The following PTPN3 variants were observed in gnomAD, a reference collection of about 807,000 sequenced individuals.
PTPN3 encodes the protein tyrosine-protein phosphatase non-receptor type 3.
PTPN3 carries 96 observed loss-of-function variants against 132.7 expected under a neutral mutation model. The ratio of observed to expected loss-of-function variants is 0.72; its 90% CI spans 0.61 to 0.86. PTPN3 has a LOEUF of 0.86. Ranked by LOEUF, PTPN3 falls within the 40% of genes least tolerant of loss-of-function variation. The pLI is 0.00. For missense variants in PTPN3, 1,125 were observed against 1,159.6 expected (o/e 0.97, Z 0.43); for synonymous variants, 398 against 429.0 (o/e 0.93, Z 0.89).
chr9:109,428,560 T>C (rs1010221228), intron 11 of PTPN3, 61 bp downstream of exon 11: 1 of 1,550,928 alleles, frequency 6.4e-7, no homozygotes. Flanking sequence ...AGCGAGACCC[T>C]GTCTCTAACC....
chr9:109,391,375 A>C, intron 20 of PTPN3, 96 bp downstream of exon 20: 2 of 1,384,448 alleles, frequency 1.4e-6, no homozygotes, highest in Middle Eastern at 1.8e-4. Flanking sequence ...TTACAGACAC[A>C]CTGAAAATCG....
At chr9:109,405,218 AC>A (rs910675968) in intron 18 of PTPN3, among the ~76,000 whole-genome samples, 5 of 151,650 alleles carry the variant, frequency 3.3e-5, no homozygotes, top group South Asian at 2.1e-4. Flanking sequence ...AGCTAGGACC[AC>A]CCCCCCACAA....
chr9:109,444,304 G>A lies in PTPN3; in HGVS notation c.466+936C>T, dbSNP rs551603298. 1.1e-4 allele frequency among the ~76,000 whole-genome samples: 17 copies of A among 152,270 alleles called. No homozygotes were observed. The South Asian group carries it at 2.3e-3, about 20-fold the overall frequency. On this transcript the variant is annotated intron_variant, in intron 7 of 25. Coordinates refer to ENST00000374541, the MANE Select transcript of PTPN3 (RefSeq NM_002829.4). The stretch of plus-strand genomic sequence containing the variant: ...ACATTTTGCTCTCATCTGGCTATAC[G>A]TTCTTTTCATTGTGCCTACCCAGCA...
At chr9:109,445,022 C>T (rs533482967) in intron 7 of PTPN3, among the ~76,000 whole-genome samples, 65 of 152,378 alleles carry the variant, frequency 4.3e-4, no homozygotes, top group African/African-American at 1.5e-3. Flanking sequence ...ACAGTTCATT[C>T]ATTCCTTTCC....
chr9:109,498,637 G>T (rs1418540289), upstream of PTPN3, among the ~76,000 whole-genome samples: 1 of 152,174 alleles, frequency 6.6e-6, no homozygotes, highest in African/African-American at 2.4e-5. This position sits in a 1 kb window ranked among gnomAD's most constrained non-coding sequence, Gnocchi z 4.2. Context: ...AGTCTTGCAC[G>T]ACGGGTGCGC....
chr9:109,523,362 C>A, the PTPN3 span, among the ~76,000 whole-genome samples: 1 of 152,296 alleles, frequency 6.6e-6, no homozygotes, highest in East Asian at 1.9e-4. Flanking sequence ...GGTCCGCCTG[C>A]CTTGGCCTCC....
At chr9:109,393,374 T>G (rs1176327338) in intron 19 of PTPN3, among the ~76,000 whole-genome samples, 8 of 150,448 alleles carry the variant, frequency 5.3e-5, no homozygotes, top group East Asian at 3.9e-4. Context: ...TTTTTAATGG[T>G]TTTTTTTGTC....
chr9:109,391,335 C>A, intron 20 of PTPN3, 136 bp from the exon 21 acceptor site: 2 of 1,263,404 alleles, frequency 1.6e-6, no homozygotes, highest in Non-Finnish European at 2.2e-6. Flanking sequence ...TGTTCCGAGT[C>A]TGAAATGGCT....
chr9:109,420,465 G>T lies in PTPN3; in HGVS notation c.1272C>A (p.Asp424Glu). 2 of 1,611,524 alleles carry T rather than the reference G, an allele frequency of 1.2e-6. No homozygotes were observed. The highest frequency in any genetic ancestry group is 1.7e-6 in the Non-Finnish European group (2 of 1,178,160). ...GGTTCTGAGAAACTTCAGAATCGCT[G>T]TCTTGAGGGGCCAGAGAGCCCTTGT... ...YTYKGSLAPQ[D>E]SDSEVSQNRS... is the part of the protein sequence containing the mutation. Residue 424 changes from aspartate to glutamate, a missense_variant, in exon 14 of 26, where the codon GAC (aspartate) becomes GAA (glutamate). Coordinates refer to ENST00000374541, the MANE Select transcript of PTPN3 (RefSeq NM_002829.4).
chr9:109,380,229 C>CTATCTATCTATG (rs1838936400), intron 25 of PTPN3, among the ~76,000 whole-genome samples: 1 of 150,226 alleles, frequency 6.7e-6, no homozygotes, highest in Non-Finnish European at 1.5e-5. Context: ...ATCTATCTAT[C>CTATCTATCTATG]TATCTATCTA....
intron 1 of PTPN3, among the ~76,000 whole-genome samples, chr9:109,490,521 T>A (rs1200509866): frequency 2.6e-5 from 4 of 152,188 alleles, no homozygotes; most frequent in Admixed American, 6.5e-5. Flanking sequence ...GCGGATCACC[T>A]GAGGTCGGGA....
chr9:109,462,968 G>A (rs1020760998), intron 2 of PTPN3, among the ~76,000 whole-genome samples: 5 of 150,866 alleles, frequency 3.3e-5, no homozygotes, highest in Admixed American at 3.3e-4. Flanking sequence ...GTGCCATGAT[G>A]CCTCCAGATG....
At chr9:109,486,338 C>T (rs574691543) in intron 1 of PTPN3, among the ~76,000 whole-genome samples, 5 of 152,224 alleles carry the variant, frequency 3.3e-5, no homozygotes, top group East Asian at 1.9e-4. Context: ...TTTAAGGGAA[C>T]GTTTTTCTGG....
intron 5 of PTPN3, chr9:109,450,260 C>G (rs1845162916): frequency 1.0e-6 from 1 of 985,342 alleles, no homozygotes; most frequent in Non-Finnish European, 1.2e-6. Context: ...GTATTGGAAT[C>G]TCCATCTTTT....
At chr9:109,402,829 G>C (rs1364209890) in intron 19 of PTPN3, among the ~76,000 whole-genome samples, 1 of 152,056 alleles carries the variant, frequency 6.6e-6, no homozygotes, top group Non-Finnish European at 1.5e-5. Context: ...CTAGCACTTT[G>C]GGGGGCTGAG....
intron 7 of PTPN3, among the ~76,000 whole-genome samples, chr9:109,442,832 G>C (rs180937950): frequency 1.3e-5 from 2 of 152,206 alleles, no homozygotes; most frequent in African/African-American, 2.4e-5. Context: ...GCTCAAAGTC[G>C]GGCAGGTACA....
intron 1 of PTPN3, among the ~76,000 whole-genome samples, chr9:109,481,412 AT>A (rs1564480476): frequency 6.6e-6 from 1 of 152,142 alleles, no homozygotes; most frequent in Non-Finnish European, 1.5e-5. Context: ...CCTAGATCTC[AT>A]TCTGCTCCAC....
intron 19 of PTPN3, among the ~76,000 whole-genome samples, chr9:109,393,310 T>C (rs1247918051): frequency 2.6e-5 from 4 of 152,130 alleles, no homozygotes; most frequent in Non-Finnish European, 5.9e-5. Flanking sequence ...TTAGGCTGTT[T>C]TGAAATTTTT....
At chr9:109,456,829 A>G (rs1430777157) in intron 4 of PTPN3, among the ~76,000 whole-genome samples, 4 of 144,868 alleles carry the variant, frequency 2.8e-5, no homozygotes, top group Non-Finnish European at 4.6e-5. Flanking sequence ...GTGTTTGTCT[A>G]TCTCCCTGTC....
Sources: allele counts gnomAD v4.1 joint callset (sites outside exome capture counted in the v4.1 genomes callset), GRCh38; gene constraint gnomAD v4.1.1; non-coding constraint Gnocchi (gnomAD v3.1); transcripts MANE v1.5; gene names NCBI Gene and HGNC (gene_info 2026-07-23, HGNC 2026-07-21).